Variants in LAIR1 observed in about 807,000 individuals in gnomAD.
LAIR1 encodes the protein leukocyte-associated immunoglobulin-like receptor 1.
LAIR1 carries 24 observed loss-of-function variants against 32.8 expected under a neutral mutation model. The observed-to-expected ratio is 0.73, with a 90% CI of 0.53 to 1.03. LAIR1 has a LOEUF of 1.03. Among genes scored for constraint, LAIR1 ranks in the 50% least tolerant of loss-of-function variants. The probability of loss-of-function intolerance (pLI) is 0.00; values close to 1 mark genes in which losing one functional copy is unlikely to be tolerated. For missense variants in LAIR1, 355 were observed against 347.5 expected (o/e 1.02, Z -0.17); for synonymous variants, 150 against 140.5 (o/e 1.07, Z -0.48).
At chr19:54,365,002 G>T, upstream of LAIR1, 1 of 1,439,978 alleles carries the variant, frequency 6.9e-7, no homozygotes, top group Admixed American at 2.9e-5. Flanking sequence ...GAGAGGGAGG[G>T]CCTTGGTTTC....
rs2081980255 is a variant in LAIR1, at chr19:54,360,824, C to A, written c.364+92G>T. 1.1e-5 allele frequency: 15 copies of A among 1,317,536 alleles called. No homozygotes were observed. In the South Asian group the frequency reaches 1.8e-4, roughly 16 times the overall value. The allele number at this position is 1,317,536 out of a possible 1,614,324, so 81.6% of individuals were successfully genotyped here. A position where few individuals can be genotyped will look rare whatever the true frequency, so the allele number is the denominator to read the frequency against. On this transcript the variant is annotated intron_variant, in intron 3 of 9. Transcript: ENST00000391742. ...GTCAGGAGGAGGACAAGGTTGGCCACAGAGGACAGCAGCTGGGACAGGGTC... is the reference window on the plus strand; with the variant it reads ...GTCAGGAGGAGGACAAGGTTGGCCAAAGAGGACAGCAGCTGGGACAGGGTC...
chr19:54,366,034 T>C (rs1430816802), upstream of LAIR1, among the ~76,000 whole-genome samples: 1 of 152,118 alleles, frequency 6.6e-6, no homozygotes, highest in Non-Finnish European at 1.5e-5. Context: ...GACCAAGTAC[T>C]GCATGATGTC....
At chr19:54,370,297 C>A in exon 1 of LAIR1, 1 of 1,543,504 alleles carries the variant, frequency 6.5e-7, no homozygotes, top group East Asian at 2.5e-5. Context: ...CGGATGCAAC[C>A]CTGGAAGGAA....
chr19:54,372,287 G>T (rs1396416828), upstream of LAIR1, among the ~76,000 whole-genome samples: 1 of 151,394 alleles, frequency 6.6e-6, no homozygotes, highest in African/African-American at 2.5e-5. Context: ...CTCGCCAGTA[G>T]GCCAGTATGT....
intron 2 of LAIR1, among the ~76,000 whole-genome samples, chr19:54,363,388 C>G (rs796605648): frequency 3.3e-5 from 5 of 152,014 alleles, no homozygotes; most frequent in African/African-American, 1.2e-4. Flanking sequence ...CAAGAAGCTG[C>G]CGAGTGAAGT....
At chr19:54,373,213 C>CG (rs1251324225), upstream of LAIR1, among the ~76,000 whole-genome samples, 4 of 150,924 alleles carry the variant, frequency 2.7e-5, 1 homozygote, top group African/African-American at 9.9e-5. Flanking sequence ...GAGGCCAAGG[C>CG]GGGCAGATCA....
upstream of LAIR1, among the ~76,000 whole-genome samples, chr19:54,368,012 T>C (rs1030276085): frequency 6.6e-6 from 1 of 151,766 alleles, no homozygotes; most frequent in Non-Finnish European, 1.5e-5. Context: ...GACCTCATGA[T>C]CCACCCGCCT....
rs1174573093 is a variant in LAIR1 at position 54,364,660 on chromosome 19, AG to A, written c.34+110del. The A allele has an allele frequency of 5.2e-6, 5 of 967,210 alleles. No individual in the cohort carries two copies. The African/African-American group carries it at 8.0e-5, about 16-fold the overall frequency. 59.9% of individuals were successfully genotyped at this position (967,210 alleles called of 1,614,324 possible). A position where few individuals can be genotyped will look rare whatever the true frequency, so the allele number is the denominator to read the frequency against. On this transcript the variant is annotated intron_variant, in intron 1 of 9. Coordinates refer to ENST00000391742, the MANE Select transcript of LAIR1 (RefSeq NM_002287.6). The surrounding 1 kb of genome is among the most constrained non-coding windows in gnomAD (Gnocchi z 4.8). ...AGAGCAGCAGGGCAGTCTTGGGAGGAGGAGGACACTTTCCTCCCCAGAATCT... is the reference window on the plus strand; with the variant it reads ...AGAGCAGCAGGGCAGTCTTGGGAGGAGAGGACACTTTCCTCCCCAGAATCT...
rs2081529563 is a variant in LAIR1, at chr19:54,351,441, A to C, written c.*3827T>G. The C allele has an allele frequency of 6.6e-6, 1 of 152,244 alleles. No individual in the cohort carries two copies. Among genetic ancestry groups the C allele is most frequent in the South Asian group, 2.1e-4 (1 of 4,832 alleles). 9.4% of individuals were successfully genotyped at this position (152,244 alleles called of 1,614,324 possible). A position where few individuals can be genotyped will look rare whatever the true frequency, so the allele number is the denominator to read the frequency against. On this transcript the variant is annotated 3_prime_UTR_variant, in exon 10 of 10. Coordinates refer to ENST00000391742, the MANE Select transcript of LAIR1 (RefSeq NM_002287.6). ...GGAAGATATAGTTTACTTTCTTCAC[A>C]CAGATGCCAGAAATTTTCTATGAAC...
upstream of LAIR1, chr19:54,368,041 G>A (rs911482001): frequency 6.6e-5 from 10 of 151,872 alleles, no homozygotes; most frequent in African/African-American, 2.4e-4. Flanking sequence ...CAAAGTGCTG[G>A]GATTACAGGC....
upstream of LAIR1, chr19:54,365,053 T>C: frequency 7.1e-7 from 1 of 1,401,868 alleles, no homozygotes; most frequent in African/African-American, 1.5e-5. Context: ...TAGAGGCAGA[T>C]GACCGTAAAC....
intron 2 of LAIR1, among the ~76,000 whole-genome samples, chr19:54,363,578 G>C (rs945168989): frequency 6.6e-6 from 1 of 152,192 alleles, no homozygotes; most frequent in Admixed American, 6.5e-5. Context: ...TGGATGAGGA[G>C]AATGTGCTGT....
rs2081592346 is a variant in LAIR1, at chr19:54,353,909, A to AT, written c.*1358dup. 2 of 143,182 alleles carry AT rather than the reference A, an allele frequency of 1.4e-5. No homozygotes were observed. Among genetic ancestry groups the AT allele is most frequent in the African/African-American group, 5.1e-5 (2 of 39,208 alleles). The allele number at this position is 143,182 out of a possible 1,614,324, so 8.9% of individuals were successfully genotyped here. On this transcript the variant is annotated 3_prime_UTR_variant, in exon 10 of 10. Transcript: ENST00000391742. ...CACCACACCCGGCTAATTTTTTTGTATTTTTAGTAGAGATGGGGTTTCACC... is the reference window on the plus strand; with the variant it reads ...CACCACACCCGGCTAATTTTTTTGTATTTTTTAGTAGAGATGGGGTTTCACC...
At chr19:54,360,427 G>A (rs1482327528) in intron 3 of LAIR1, among the ~76,000 whole-genome samples, 1 of 149,994 alleles carries the variant, frequency 6.7e-6, no homozygotes, top group South Asian at 2.2e-4. Flanking sequence ...CATACCAAAG[G>A]TTTTCCCAAA....
At chr19:54,370,745 CT>C (rs888378247), upstream of LAIR1, among the ~76,000 whole-genome samples, 130 of 145,636 alleles carry the variant, frequency 8.9e-4, 2 homozygotes, top group East Asian at 1.4e-3. Flanking sequence ...CCAAACGTTA[CT>C]TTTTTTTTTT....
chr19:54,358,412 T>TA (rs1569190866), intron 4 of LAIR1: 2 of 199,786 alleles, frequency 1.0e-5, no homozygotes, highest in Admixed American at 8.7e-5. Flanking sequence ...ATATATATAT[T>TA]ATGATGTAAA....
In LAIR1 at chr19:54,351,521, G is replaced by A. The variant is rs2081531020; in HGVS notation, c.*3747C>T. ...CTGCTTCCCAGATCCTACAAGAAAG[G>A]AGATTAAGGTGTAGAATTTTACACT... is the stretch of plus-strand genomic sequence containing the variant. On this transcript the variant is annotated 3_prime_UTR_variant, in exon 10 of 10. Coordinates refer to ENST00000391742, the MANE Select transcript of LAIR1 (RefSeq NM_002287.6). The A allele has an allele frequency of 6.6e-6, 1 of 152,142 alleles. No homozygotes were observed. Among genetic ancestry groups the A allele is most frequent in the African/African-American group, 2.4e-5 (1 of 41,442 alleles). 9.4% of individuals were successfully genotyped at this position (152,142 alleles called of 1,614,324 possible).
chr19:54,371,014 C>G (rs2082392319), upstream of LAIR1, among the ~76,000 whole-genome samples: 1 of 150,056 alleles, frequency 6.7e-6, no homozygotes, highest in African/African-American at 2.5e-5. Flanking sequence ...TACCAGCACA[C>G]TGCTGGTAAA....
intron 2 of LAIR1, among the ~76,000 whole-genome samples, chr19:54,363,964 T>C (rs371667854): frequency 2.6e-5 from 4 of 152,336 alleles, no homozygotes; most frequent in South Asian, 4.1e-4. Flanking sequence ...ACAATAAGTA[T>C]GTGATGGGGC....
Sources: gnomAD v4.1 joint callset for allele counts (sites outside exome capture counted in the v4.1 genomes callset) on GRCh38, gnomAD v4.1.1 for gene constraint, Gnocchi (gnomAD v3.1) non-coding constraint, MANE v1.5 for transcripts, NCBI Gene and HGNC (gene_info 2026-07-23, HGNC 2026-07-21) for gene names.